The following EPHA4 variants were observed in gnomAD, a reference collection of about 807,000 sequenced individuals.
EPHA4 encodes the protein ephrin type-A receptor 4.
A neutral mutation model predicts 108.3 loss-of-function variants in EPHA4; 19 were observed. That is an observed-to-expected ratio of 0.18 (90% CI 0.12 to 0.26). EPHA4 has a LOEUF of 0.26. Among genes scored for constraint, EPHA4 ranks in the 10% least tolerant of loss-of-function variants. EPHA4 has a pLI of 1.00. For missense variants in EPHA4, 917 were observed against 1,254.0 expected (o/e 0.73, Z 4.06); for synonymous variants, 449 against 455.5 (o/e 0.99, Z 0.18).
At chr2:221,503,079 A>T (rs1692526704) in intron 3 of EPHA4, among the ~76,000 whole-genome samples, 1 of 152,220 alleles carries the variant, frequency 6.6e-6, no homozygotes, top group Admixed American at 6.5e-5. Flanking sequence ...GCTTTCTCAC[A>T]TCAAACACAA....
In EPHA4 at chr2:221,492,491, GCTCAC is replaced by G. The variant is rs539321391; in HGVS notation, c.979+8521_979+8525del. On this transcript the variant is annotated intron_variant, in intron 4 of 17. Transcript: ENST00000281821. ...GGGTCTATCTAGTGCCTTCGTTGAAGCTCACCTGGTGATCTTTCTCCCTTTATCTT... is the reference window on the plus strand; with the variant it reads ...GGGTCTATCTAGTGCCTTCGTTGAAGCTGGTGATCTTTCTCCCTTTATCTT... 1.9e-3 allele frequency among the ~76,000 whole-genome samples: 284 copies of G among 152,258 alleles called. 1 individual carries two copies. The highest frequency in any genetic ancestry group is 6.5e-3 in the African/African-American group (269 of 41,546).
intron 5 of EPHA4, among the ~76,000 whole-genome samples, chr2:221,462,950 C>A (rs1454826668): frequency 6.6e-6 from 1 of 152,150 alleles, no homozygotes; most frequent in Non-Finnish European, 1.5e-5. Context: ...TTCTTAACTG[C>A]CAAGGTGGAG....
At chr2:221,541,110 C>A (rs1693827135) in intron 3 of EPHA4, among the ~76,000 whole-genome samples, 1 of 151,994 alleles carries the variant, frequency 6.6e-6, no homozygotes, top group African/African-American at 2.4e-5. Context: ...CCACGCATCA[C>A]TAATTACTTT....
In EPHA4 at chr2:221,501,007, T is replaced by TACA; in HGVS notation, c.979+7_979+9dup. 6.3e-7 allele frequency: 1 copy of TACA among 1,584,986 alleles called. No homozygotes were observed. Among genetic ancestry groups the TACA allele is most frequent in the Non-Finnish European group, 8.6e-7 (1 of 1,167,248 alleles). On this transcript the variant is annotated intron_variant, in intron 4 of 17. Transcript: ENST00000281821. ...GCATCACAGGAATGAGAGACAAGCA[T>TACA]ACAACTTACGGGTGCAGGGCATAGA... is the stretch of plus-strand genomic sequence containing the variant.
upstream of EPHA4, chr2:221,572,322 G>C (rs970719106): frequency 4.3e-6 from 6 of 1,382,612 alleles, no homozygotes; most frequent in Non-Finnish European, 5.1e-6. Context: ...GAGAGCAGCG[G>C]GCTGAAGACA....
intron 9 of EPHA4, 46 bp from the exon 10 acceptor site, chr2:221,443,652 A>T: frequency 7.3e-7 from 1 of 1,368,610 alleles, no homozygotes; most frequent in African/African-American, 1.4e-5. Context: ...CTAAGGAACC[A>T]CTAATAAACA....
chr2:221,510,468 A>AT (rs1404228205), intron 3 of EPHA4, among the ~76,000 whole-genome samples: 1 of 152,044 alleles, frequency 6.6e-6, no homozygotes, highest in Non-Finnish European at 1.5e-5. Flanking sequence ...ATCTCCTCCC[A>AT]TTTTTCCCCT....
In EPHA4 at chr2:221,501,189, A is replaced by G. The variant is rs1332748616; in HGVS notation, c.824-17T>C. 1 of 1,551,856 alleles carries G rather than the reference A, an allele frequency of 6.4e-7. No individual in the cohort carries two copies. The highest frequency in any genetic ancestry group is 2.3e-5 in the East Asian group (1 of 42,872). On this transcript the variant is annotated splice_polypyrimidine_tract_variant and intron_variant, in intron 3 of 17. Transcript: ENST00000281821. ...TTTTGCAAGCTGCAGGGAAGAAGAAAAAAACAAACAAATAGAAACCACTGC... is the reference window on the plus strand; with the variant it reads ...TTTTGCAAGCTGCAGGGAAGAAGAAGAAAACAAACAAATAGAAACCACTGC...
intron 3 of EPHA4, among the ~76,000 whole-genome samples, chr2:221,510,718 A>C (rs933494429): frequency 6.6e-6 from 1 of 152,228 alleles, no homozygotes; most frequent in Non-Finnish European, 1.5e-5. Context: ...ATTAAACACA[A>C]ACAAAAAGAA....
chr2:221,566,090 G>C (rs539591780), intron 2 of EPHA4, among the ~76,000 whole-genome samples: 63 of 152,202 alleles, frequency 4.1e-4, no homozygotes, highest in African/African-American at 1.5e-3. Flanking sequence ...CAAGAAAGTA[G>C]CTTTTGGCTA....
chr2:221,475,062 G>T (rs1574594074), intron 5 of EPHA4, among the ~76,000 whole-genome samples: 1 of 152,092 alleles, frequency 6.6e-6, no homozygotes, highest in Non-Finnish European at 1.5e-5. Context: ...GTAGAGATGG[G>T]TTTTTGCCAT....
intron 14 of EPHA4, among the ~76,000 whole-genome samples, chr2:221,433,491 C>T (rs766248212): frequency 6.6e-6 from 1 of 152,038 alleles, no homozygotes; most frequent in Admixed American, 6.5e-5. Context: ...TTGATCAATG[C>T]TTTCTTTTAT....
chr2:221,562,247 A>G (rs1240351220), intron 3 of EPHA4, among the ~76,000 whole-genome samples: 1 of 152,034 alleles, frequency 6.6e-6, no homozygotes, highest in Admixed American at 6.6e-5. Flanking sequence ...GTCAACAGAA[A>G]AGATAGCCAC....
intron 14 of EPHA4, among the ~76,000 whole-genome samples, chr2:221,433,135 T>C (rs1559237513): frequency 6.6e-6 from 1 of 152,186 alleles, no homozygotes; most frequent in African/African-American, 2.4e-5. Context: ...GCATTGAACA[T>C]TCTTTAATTG....
intron 8 of EPHA4, among the ~76,000 whole-genome samples, chr2:221,450,947 C>T (rs1690765690): frequency 1.3e-5 from 2 of 152,150 alleles, no homozygotes; most frequent in African/African-American, 2.4e-5. Context: ...GGTGTGGTAG[C>T]TCACGCCTGT....
Position 221,531,639 on chromosome 2 carries a change from T to C in EPHA4, c.824-30467A>G, listed in dbSNP as rs191890435. 4.0e-3 allele frequency among the ~76,000 whole-genome samples: 611 copies of C among 152,266 alleles called. 7 individuals are homozygous for C. Among genetic ancestry groups the C allele is most frequent in the African/African-American group, 0.014 (591 of 41,548 alleles). On this transcript the variant is annotated intron_variant, in intron 3 of 17. Transcript: ENST00000281821. ...TACCTTTTTCTTCATTGGTGTAGTA[T>C]CTAAAAAGCTTTTTTTTTCTTTGAA...
intron 3 of EPHA4, among the ~76,000 whole-genome samples, chr2:221,534,889 T>G (rs1693620287): frequency 6.6e-6 from 1 of 152,232 alleles, no homozygotes; most frequent in Non-Finnish European, 1.5e-5. Flanking sequence ...ATGATTTAAC[T>G]TTTTTGTTGA....
chr2:221,570,817 C>T (rs1007410372), intron 1 of EPHA4, among the ~76,000 whole-genome samples: 1 of 150,990 alleles, frequency 6.6e-6, no homozygotes, highest in African/African-American at 2.4e-5. Flanking sequence ...GATGGACGGA[C>T]GGACGGACAG....
At chr2:221,490,316 C>G (rs976108177) in intron 4 of EPHA4, among the ~76,000 whole-genome samples, 2 of 150,504 alleles carry the variant, frequency 1.3e-5, no homozygotes, top group Non-Finnish European at 3.0e-5. Context: ...GGCAAGAAGA[C>G]AGTTGATAGA....
Sources: gnomAD v4.1 joint callset for allele counts (sites outside exome capture counted in the v4.1 genomes callset) on GRCh38, gnomAD v4.1.1 for gene constraint, MANE v1.5 for transcripts, NCBI Gene and HGNC (gene_info 2026-07-23, HGNC 2026-07-21) for gene names.